The following CTNNA3 variants were observed in gnomAD, a reference collection of about 807,000 sequenced individuals.
CTNNA3 encodes catenin alpha 3.
Under a neutral mutation model 95.7 loss-of-function variants are expected in CTNNA3, and 76 were observed. The ratio of observed to expected loss-of-function variants is 0.79; its 90% CI spans 0.66 to 0.96. CTNNA3 has a LOEUF of 0.96. Among genes scored for constraint, CTNNA3 ranks in the 40% least tolerant of loss-of-function variants. The pLI is 0.00. For missense variants in CTNNA3, 1,191 were observed against 1,089.8 expected, an observed-to-expected ratio of 1.09 and a Z score of -1.31; for synonymous variants, 431 against 374.4, an observed-to-expected ratio of 1.15 and a Z score of -1.74.
chr10:66,875,914 T>C (rs1564738667), intron 7 of CTNNA3, among the ~76,000 whole-genome samples: 1 of 152,056 alleles, frequency 6.6e-6, no homozygotes, highest in African/African-American at 2.4e-5. Context: ...TGCTTAGCTG[T>C]TTTTCAGTGT....
chr10:66,421,988 T>C lies in CTNNA3; in HGVS notation c.1532-42636A>G, dbSNP rs114369075. Among the ~76,000 whole-genome samples, 759 of 148,964 alleles carry C rather than the reference T, an allele frequency of 5.1e-3. 17 individuals are homozygous for C. The highest frequency in any genetic ancestry group is 0.018 in the African/African-American group (737 of 40,398). ...GAATCCTGCTGATATCAATTCTTTG[T>C]AGAAATACCTTGGACATGGATTGTA... On this transcript the variant is annotated intron_variant, in intron 11 of 17. Transcript: ENST00000433211.
chr10:66,781,022 G>A (rs549002664), intron 7 of CTNNA3, among the ~76,000 whole-genome samples: 4 of 152,182 alleles, frequency 2.6e-5, no homozygotes, highest in South Asian at 2.1e-4. Context: ...TGTGTAATAC[G>A]AAGCTGAAAA....
chr10:67,531,368 G>A (rs911135150), intron 4 of CTNNA3, among the ~76,000 whole-genome samples: 17 of 152,200 alleles, frequency 1.1e-4, no homozygotes, highest in Non-Finnish European at 1.9e-4. Flanking sequence ...AAGACCATGG[G>A]AACCCACTTC....
In CTNNA3 at chr10:67,208,378, C is replaced by CAAAAAAAAAAAAAA. The variant is rs3056794; in HGVS notation, c.843+11215_843+11228dup. Among the ~76,000 whole-genome samples the CAAAAAAAAAAAAAA allele has an allele frequency of 3.2e-4, 30 of 93,156 alleles. No homozygotes were observed. The East Asian group carries it at 5.5e-3, about 17-fold the overall frequency. 61.1% of individuals were successfully genotyped at this position (93,156 alleles called of 152,430 possible). ...TGGGTGACAGAGCAAGACTCTGTCT[C>CAAAAAAAAAAAAAA]AAAAAAAAAAAAAAAAATAGCCACA... is the stretch of plus-strand genomic sequence containing the variant. On this transcript the variant is annotated intron_variant, in intron 6 of 17. Coordinates refer to ENST00000433211, the MANE Select transcript of CTNNA3 (RefSeq NM_013266.4).
chr10:67,120,730 A>G (rs1369637985), intron 7 of CTNNA3, among the ~76,000 whole-genome samples: 1 of 152,018 alleles, frequency 6.6e-6, no homozygotes, highest in African/African-American at 2.4e-5. Flanking sequence ...CTTGATGAAT[A>G]TTATAGGAAC....
intron 12 of CTNNA3, among the ~76,000 whole-genome samples, chr10:66,313,347 C>T (rs1207910246): frequency 1.3e-5 from 2 of 152,192 alleles, no homozygotes; most frequent in Non-Finnish European, 2.9e-5. Flanking sequence ...ATGAGAGTTT[C>T]CAATGAACTT....
chr10:67,096,385 T>C (rs1857996262), intron 7 of CTNNA3, among the ~76,000 whole-genome samples: 1 of 151,734 alleles, frequency 6.6e-6, no homozygotes. Context: ...AAAAAAATAA[T>C]ACCTAGGCCT....
intron 7 of CTNNA3, among the ~76,000 whole-genome samples, chr10:66,909,155 A>G (rs1165945910): frequency 2.0e-5 from 3 of 152,126 alleles, no homozygotes; most frequent in African/African-American, 7.2e-5. Flanking sequence ...AACAGCTCCA[A>G]ATAAGGAATT....
intron 9 of CTNNA3, among the ~76,000 whole-genome samples, chr10:66,765,175 C>T (rs531600037): frequency 1.3e-4 from 20 of 152,248 alleles, no homozygotes; most frequent in African/African-American, 2.2e-4. Flanking sequence ...GAGTTTATAG[C>T]GCAAATGCTA....
chr10:66,324,726 A>C (rs543441461), intron 12 of CTNNA3, among the ~76,000 whole-genome samples: 1 of 152,028 alleles, frequency 6.6e-6, no homozygotes, highest in Non-Finnish European at 1.5e-5. Flanking sequence ...CATGATGACA[A>C]GATGCTCTGA....
At chr10:67,587,677 C>T (rs1294232563) in intron 3 of CTNNA3, among the ~76,000 whole-genome samples, 2 of 152,026 alleles carry the variant, frequency 1.3e-5, no homozygotes, top group African/African-American at 4.8e-5. Context: ...TTATAATGTG[C>T]CATAGCAAAG....
At chr10:66,017,846 TG>T (rs1308951983) in intron 15 of CTNNA3, among the ~76,000 whole-genome samples, 2 of 152,134 alleles carry the variant, frequency 1.3e-5, no homozygotes, top group Non-Finnish European at 2.9e-5. Flanking sequence ...ATTAATGGGC[TG>T]TTTGGTTCTA....
At chr10:66,003,193 G>A (rs1038526762) in intron 15 of CTNNA3, among the ~76,000 whole-genome samples, 2 of 152,150 alleles carry the variant, frequency 1.3e-5, no homozygotes, top group African/African-American at 4.8e-5. Flanking sequence ...CACAATAATA[G>A]TGTTTCATAT....
At chr10:66,137,389 G>A (rs1215827447) in intron 13 of CTNNA3, among the ~76,000 whole-genome samples, 1 of 151,976 alleles carries the variant, frequency 6.6e-6, no homozygotes, top group East Asian at 1.9e-4. Context: ...AATACCAAAT[G>A]TAAAAAAACA....
chr10:66,290,088 G>A (rs553823997), intron 12 of CTNNA3, among the ~76,000 whole-genome samples: 40 of 152,148 alleles, frequency 2.6e-4, no homozygotes, highest in Non-Finnish European at 5.4e-4. Flanking sequence ...TGGATAAAAG[G>A]AAAGAAGGAT....
At chr10:66,043,151 AAAAGAG>A (rs1282661065) in intron 15 of CTNNA3, among the ~76,000 whole-genome samples, 23 of 144,122 alleles carry the variant, frequency 1.6e-4, no homozygotes, top group African/African-American at 5.9e-4. Flanking sequence ...AAAAAAAAAA[AAAAGAG>A]AGAGAGAGAA....
intron 15 of CTNNA3, among the ~76,000 whole-genome samples, chr10:65,989,050 C>G (rs1308538388): frequency 6.6e-6 from 1 of 152,122 alleles, no homozygotes; most frequent in Non-Finnish European, 1.5e-5. Flanking sequence ...AAGCGATTCT[C>G]CAGTCTTAGC....
intron 10 of CTNNA3, among the ~76,000 whole-genome samples, chr10:66,597,759 T>C (rs1443665702): frequency 1.3e-5 from 2 of 151,142 alleles, no homozygotes; most frequent in African/African-American, 4.9e-5. Flanking sequence ...TGTCAATCAA[T>C]GATACTTTAC....
At chr10:66,312,937 G>T (rs1202502457) in intron 12 of CTNNA3, among the ~76,000 whole-genome samples, 1 of 152,180 alleles carries the variant, frequency 6.6e-6, no homozygotes, top group Non-Finnish European at 1.5e-5. Context: ...TGAGGAGGGA[G>T]CTCAAACACA....
Sources: gnomAD v4.1 joint callset for allele counts (sites outside exome capture counted in the v4.1 genomes callset) on GRCh38, gnomAD v4.1.1 for gene constraint, MANE v1.5 for transcripts, NCBI Gene and HGNC (gene_info 2026-07-23, HGNC 2026-07-21) for gene names.